The following ATP6V0A4 variants were observed in gnomAD, a reference collection of about 807,000 sequenced individuals.
ATP6V0A4 encodes the protein V-type proton ATPase 116 kDa subunit a 4.
A neutral mutation model predicts 107.3 loss-of-function variants in ATP6V0A4; 86 were observed. That is an observed-to-expected ratio of 0.80 (90% confidence interval 0.67 to 0.96). The LOEUF (loss-of-function observed/expected upper bound fraction) is 0.96. ATP6V0A4 is among the 40% of genes least tolerant of loss of function. ATP6V0A4 has a pLI of 0.00. For synonymous variants in ATP6V0A4, 353 were observed against 381.4 expected (o/e 0.93, Z 0.87); for missense variants, 908 against 1,045.6 (o/e 0.87, Z 1.81).
At chr7:138,781,170 T>C (rs1406762968) in intron 2 of ATP6V0A4, among the ~76,000 whole-genome samples, 1 of 152,214 alleles carries the variant, frequency 6.6e-6, no homozygotes, top group East Asian at 1.9e-4. Flanking sequence ...GATATTCCCC[T>C]GAGGTAGGAC....
intron 2 of ATP6V0A4, among the ~76,000 whole-genome samples, chr7:138,782,679 G>T (rs1029062753): frequency 6.6e-6 from 1 of 152,214 alleles, no homozygotes. Flanking sequence ...GGCTGAGAAA[G>T]ATCTGGAGGT....
intron 1 of ATP6V0A4, among the ~76,000 whole-genome samples, chr7:138,786,806 T>A (rs1158405859): frequency 2.0e-5 from 3 of 152,168 alleles, no homozygotes; most frequent in Non-Finnish European, 4.4e-5. Context: ...AGCCTAAGTT[T>A]TTCACTTGGG....
At chr7:138,729,749 T>G (rs1339785239) in intron 17 of ATP6V0A4, among the ~76,000 whole-genome samples, 1 of 152,194 alleles carries the variant, frequency 6.6e-6, no homozygotes, top group Non-Finnish European at 1.5e-5. Flanking sequence ...GAAAAACATT[T>G]CTTGAGCCTT....
At chr7:138,756,208 C>A (rs957570764) in intron 9 of ATP6V0A4, among the ~76,000 whole-genome samples, 1 of 152,224 alleles carries the variant, frequency 6.6e-6, no homozygotes, top group African/African-American at 2.4e-5. Flanking sequence ...GATGAAAAGT[C>A]TCAGATGGAA....
intron 5 of ATP6V0A4, among the ~76,000 whole-genome samples, chr7:138,765,543 TA>T (rs1358591784): frequency 6.6e-6 from 1 of 152,170 alleles, no homozygotes; most frequent in Non-Finnish European, 1.5e-5. Flanking sequence ...AGGACTGTTA[TA>T]AAAGCCTCTT....
At chr7:138,776,688 T>TACTCA (rs1807671994) in intron 2 of ATP6V0A4, among the ~76,000 whole-genome samples, 1 of 152,112 alleles carries the variant, frequency 6.6e-6, no homozygotes, top group Non-Finnish European at 1.5e-5. Flanking sequence ...CAGGAACATG[T>TACTCA]GGAGAAAAGA....
intron 12 of ATP6V0A4, 103 bp from the exon 13 acceptor site, chr7:138,747,667 A>G: frequency 6.5e-7 from 1 of 1,529,462 alleles, no homozygotes; most frequent in Non-Finnish European, 8.8e-7. Flanking sequence ...GGGTTTCCTT[A>G]AGCCTTTCTG....
chr7:138,785,389 C>T (rs1808133589), intron 2 of ATP6V0A4, among the ~76,000 whole-genome samples: 1 of 151,778 alleles, frequency 6.6e-6, no homozygotes, highest in Non-Finnish European at 1.5e-5. Context: ...GATTCTCCTG[C>T]CTCAGCCTCT....
At chr7:138,795,838 G>A (rs540989228) in intron 1 of ATP6V0A4, among the ~76,000 whole-genome samples, 2 of 151,928 alleles carry the variant, frequency 1.3e-5, no homozygotes, top group South Asian at 2.1e-4. Context: ...TTTGTTTTGC[G>A]GAGGCAGGGT....
At chr7:138,795,393 G>C (rs1013391276) in intron 1 of ATP6V0A4, among the ~76,000 whole-genome samples, 3 of 152,070 alleles carry the variant, frequency 2.0e-5, no homozygotes, top group African/African-American at 2.4e-5. Context: ...CGACTTGATA[G>C]GATGGTCTCA....
At chr7:138,742,032 G>C (rs181600701) in intron 14 of ATP6V0A4, among the ~76,000 whole-genome samples, 1 of 152,312 alleles carries the variant, frequency 6.6e-6, no homozygotes, top group East Asian at 1.9e-4. Context: ...TCTGCAGAGT[G>C]GTAACAAGAC....
At chr7:138,757,597 C>T (rs1806577102) in intron 8 of ATP6V0A4, among the ~76,000 whole-genome samples, 1 of 152,144 alleles carries the variant, frequency 6.6e-6, no homozygotes, top group South Asian at 2.1e-4. Context: ...ACATACTACT[C>T]GAGGCACTGG....
At chr7:138,718,101 G>C (rs1374379891) in intron 19 of ATP6V0A4, among the ~76,000 whole-genome samples, 1 of 117,492 alleles carries the variant, frequency 8.5e-6, no homozygotes, top group Non-Finnish European at 1.8e-5. Context: ...GGAATGGGGG[G>C]CGGGGGTGCA....
At chr7:138,754,838 G>A (rs930061827) in intron 10 of ATP6V0A4, among the ~76,000 whole-genome samples, 1 of 152,114 alleles carries the variant, frequency 6.6e-6, no homozygotes, top group African/African-American at 2.4e-5. Context: ...AGTTTGGTCA[G>A]GCTGGTCTTG....
At chr7:138,785,842 C>T (rs935713634) in intron 2 of ATP6V0A4, among the ~76,000 whole-genome samples, 8 of 152,310 alleles carry the variant, frequency 5.3e-5, no homozygotes, top group South Asian at 2.1e-4. Flanking sequence ...ATCAAATCTA[C>T]GGATGCTGGA....
intron 20 of ATP6V0A4, 25 bp from the exon 21 acceptor site, chr7:138,709,820 G>T: frequency 6.2e-7 from 1 of 1,611,906 alleles, no homozygotes; most frequent in Non-Finnish European, 8.5e-7. Flanking sequence ...AAACCACTGG[G>T]ATTATCTTGT....
At chr7:138,795,906 C>T (rs1291899225) in intron 1 of ATP6V0A4, among the ~76,000 whole-genome samples, 3 of 152,174 alleles carry the variant, frequency 2.0e-5, no homozygotes, top group African/African-American at 2.4e-5. Context: ...CTTCCCACCT[C>T]GGCCTCCCAA....
intron 15 of ATP6V0A4, among the ~76,000 whole-genome samples, chr7:138,734,599 A>C (rs189739330): frequency 1.4e-4 from 21 of 152,088 alleles, no homozygotes; most frequent in Non-Finnish European, 5.9e-5. Context: ...CAACCTGGCG[A>C]AACCCTGTCT....
chr7:138,758,446 G>GT (rs1263216322), intron 8 of ATP6V0A4, among the ~76,000 whole-genome samples: 1 of 151,902 alleles, frequency 6.6e-6, no homozygotes, highest in African/African-American at 2.4e-5. Context: ...GAATTTTGTT[G>GT]TTTTTTCATT....
Sources: allele counts gnomAD v4.1 joint callset (sites outside exome capture counted in the v4.1 genomes callset), GRCh38; gene constraint gnomAD v4.1.1; transcripts MANE v1.5; gene names NCBI Gene and HGNC (gene_info 2026-07-23, HGNC 2026-07-21).